The following LRRK2 variants were observed in gnomAD, a reference collection of about 807,000 sequenced individuals.
LRRK2 encodes the protein leucine rich repeat kinase 2.
Under a neutral mutation model 302.6 loss-of-function variants are expected in LRRK2, and 203 were observed. The ratio of observed to expected loss-of-function variants is 0.67; its 90% CI spans 0.60 to 0.75. The LOEUF is 0.75. Ranked by LOEUF, LRRK2 falls within the 30% of genes least tolerant of loss-of-function variation. The pLI is 0.00. For missense variants in LRRK2, 2,830 were observed against 2,951.0 expected (o/e 0.96, Z 0.95); for synonymous variants, 1,066 against 1,031.9 (o/e 1.03, Z -0.63).
intron 12 of LRRK2, among the ~76,000 whole-genome samples, chr12:40,259,019 A>G (rs1942649084): frequency 6.6e-6 from 1 of 152,190 alleles, no homozygotes. Flanking sequence ...AATACCTTAT[A>G]AGAAGTCCAG....
In LRRK2 at chr12:40,320,137, T is replaced by C; in HGVS notation, c.4977T>C (p.Ala1659=). 1 of 1,612,050 alleles carries C rather than the reference T, an allele frequency of 6.2e-7. No homozygotes were observed. Among genetic ancestry groups the C allele is most frequent in the African/African-American group, 1.3e-5 (1 of 74,910 alleles). Residue 1659 remains alanine (A), a synonymous_variant, in exon 34 of 51, where the codon GCT becomes GCC. Transcript: ENST00000298910. ...YFKLLEKFQI[A]LPIGEEYLLV... ...AGCTCCTAGAAAAATTCCAGATTGC[T>C]TTGCCAATAGGAGAAGAATATTTGC...
Position 40,225,253 on chromosome 12 carries a change from A to G in LRRK2, c.122A>G (p.Asp41Gly). 1 of 1,614,158 alleles carries G rather than the reference A, an allele frequency of 6.2e-7. No homozygotes were observed. The change falls in exon 1 of 51, where the codon GAT (aspartate) becomes GGT (glycine). Residue 41 changes from aspartate to glycine, a missense_variant. Around this residue, in one of 3 missense-constraint regions of LRRK2, gnomAD observed 2,121 missense variants for 2,148.0 expected, o/e 0.99. Transcript: ENST00000298910. ...GAAACGCTGGTCCAAATCCTGGAGG[A>G]TCTGCTGGTGTTCACGTACTCCGAG... ...QIETLVQILE[D>G]LLVFTYSERA...
chr12:40,367,014 A>C lies in LRRK2; in HGVS notation c.7399A>C (p.Lys2467Gln). The C allele has an allele frequency of 1.9e-6, 3 of 1,608,976 alleles. No individual in the cohort carries two copies. Among genetic ancestry groups the C allele is most frequent in the South Asian group, 1.1e-5 (1 of 90,956 alleles). ...ATTTTGTTTTTGTAAAGGAAGCCTT[A>C]AAAATGTCATGCTGGTATTGGGCTA... ...VMMTAQLGSLKNVMLVLGYNR... is the reference protein window; with the variant it reads ...VMMTAQLGSLQNVMLVLGYNR... Residue 2467 changes from lysine (K) to glutamine (Q), a missense_variant, in exon 50 of 51, where the codon AAA (lysine) becomes CAA (glutamine). Transcript: ENST00000298910.
At chr12:40,349,291 G>T (rs1428580697) in intron 43 of LRRK2, among the ~76,000 whole-genome samples, 1 of 151,962 alleles carries the variant, frequency 6.6e-6, no homozygotes, top group African/African-American at 2.4e-5. Flanking sequence ...GTATTACCCT[G>T]TCTTAATTCC....
intron 38 of LRRK2, 61 bp downstream of exon 38, chr12:40,323,367 G>A (rs1945455771): frequency 7.3e-7 from 1 of 1,373,710 alleles, no homozygotes; most frequent in Non-Finnish European, 1.0e-6. Context: ...TTATAATTTA[G>A]AAAATAGATT....
intron 43 of LRRK2, among the ~76,000 whole-genome samples, chr12:40,351,224 A>G (rs1565772677): frequency 6.6e-6 from 1 of 152,214 alleles, no homozygotes; most frequent in East Asian, 1.9e-4. Flanking sequence ...TGGCTCTGCA[A>G]TATAGAATTG....
At chr12:40,288,829 T>C (rs986718956) in intron 20 of LRRK2, among the ~76,000 whole-genome samples, 1 of 151,920 alleles carries the variant, frequency 6.6e-6, no homozygotes, top group South Asian at 2.1e-4. Flanking sequence ...CAGGTATATG[T>C]ATTGCATATT....
chr12:40,289,116 T>A lies in LRRK2; in HGVS notation c.2689+1577T>A, dbSNP rs148303524. Among the ~76,000 whole-genome samples, 140 of 152,016 alleles carry A rather than the reference T, an allele frequency of 9.2e-4. 2 individuals carry two copies. The East Asian group carries it at 0.026, about 28-fold the overall frequency. ...GTGTCAATGAAGAGTTGACATTTAT[T>A]TCTTTCTGTATGGATATCCAGTTGT... On this transcript the variant is annotated intron_variant, in intron 20 of 50. Coordinates refer to ENST00000298910, the MANE Select transcript of LRRK2 (RefSeq NM_198578.4).
intron 23 of LRRK2, 22 bp downstream of exon 23, chr12:40,295,666 A>C: frequency 6.2e-7 from 1 of 1,601,522 alleles, no homozygotes; most frequent in Non-Finnish European, 8.5e-7. Context: ...TTATCCTTGT[A>C]ACTTTCAAGA....
In LRRK2 at chr12:40,225,627, C is replaced by G; in HGVS notation, c.224C>G (p.Ala75Gly). The G allele has an allele frequency of 1.2e-6, 2 of 1,613,510 alleles. No homozygotes were observed. The highest frequency in any genetic ancestry group is 1.7e-6 in the Non-Finnish European group (2 of 1,179,552). The change falls in exon 2 of 51, where the codon GCG becomes GGG. Residue 75 changes from alanine (A) to glycine (G), a missense_variant. Transcript: ENST00000298910. ...GTCTTGGACTCCTATATGAGAGTCG[C>G]GAGTGTGCAGCAGGTAAAGGCATTG... ...LIVLDSYMRV[A>G]SVQQVGWSLL...
chr12:40,329,920 G>A (rs1230586619), intron 39 of LRRK2, among the ~76,000 whole-genome samples: 2 of 152,092 alleles, frequency 1.3e-5, no homozygotes, highest in Admixed American at 1.3e-4. Context: ...TTCAGGAAAA[G>A]ATATATATTT....
chr12:40,299,069 A>T (rs764831260), intron 24 of LRRK2, 40 bp from the exon 25 acceptor site: 12 of 1,600,212 alleles, frequency 7.5e-6, no homozygotes, highest in Non-Finnish European at 9.4e-6. Context: ...AAGCATATGA[A>T]TTTATGCAAT....
intron 16 of LRRK2, 140 bp from the exon 17 acceptor site, chr12:40,277,748 T>C: frequency 1.3e-6 from 1 of 767,852 alleles, no homozygotes; most frequent in Non-Finnish European, 2.1e-6. Context: ...GGATAAATAC[T>C]TTAAAGCACC....
At chr12:40,295,059 C>A (rs1944326676) in intron 22 of LRRK2, 145 bp downstream of exon 22, 2 of 596,892 alleles carry the variant, frequency 3.4e-6, no homozygotes, top group Non-Finnish European at 6.0e-6. Flanking sequence ...TGATTCCTTC[C>A]ATAAGCTATA....
At chr12:40,291,223 G>T (rs1379234365) in intron 20 of LRRK2, among the ~76,000 whole-genome samples, 10 of 150,444 alleles carry the variant, frequency 6.6e-5, no homozygotes, top group Non-Finnish European at 1.5e-4. Flanking sequence ...GGTGGGAATT[G>T]AACAATGAGA....
At chr12:40,325,987 C>T (rs1945535746) in intron 38 of LRRK2, among the ~76,000 whole-genome samples, 1 of 152,204 alleles carries the variant, frequency 6.6e-6, no homozygotes, top group African/African-American at 2.4e-5. Context: ...ATTTCCACTT[C>T]AGTGGTGTGA....
intron 47 of LRRK2, among the ~76,000 whole-genome samples, chr12:40,361,153 A>G (rs1365418053): frequency 6.6e-6 from 1 of 151,978 alleles, no homozygotes; most frequent in African/African-American, 2.4e-5. Context: ...CAGGTTCTCA[A>G]GTGATTCTAA....
At chr12:40,353,311 C>T (rs1454914303) in intron 44 of LRRK2, among the ~76,000 whole-genome samples, 8 of 133,214 alleles carry the variant, frequency 6.0e-5, no homozygotes, top group African/African-American at 8.4e-5. Flanking sequence ...TCAGACAGGG[C>T]GGCCAGGCAG....
intron 38 of LRRK2, among the ~76,000 whole-genome samples, chr12:40,324,163 C>G (rs1269694872): frequency 6.6e-6 from 1 of 152,218 alleles, no homozygotes; most frequent in Non-Finnish European, 1.5e-5. Flanking sequence ...AATGTCTTTA[C>G]AAGACCTGCG....
Sources: allele counts gnomAD v4.1 joint callset (sites outside exome capture counted in the v4.1 genomes callset), GRCh38; gene constraint gnomAD v4.1.1; regional missense constraint gnomAD v4.1.1; transcripts MANE v1.5; gene names NCBI Gene and HGNC (gene_info 2026-07-23, HGNC 2026-07-21).